KDM4A: variants seen among roughly 807,000 people sequenced by gnomAD.
KDM4A encodes the protein lysine demethylase 4A.
A neutral mutation model predicts 127.1 loss-of-function variants in KDM4A; 23 were observed. That is an observed-to-expected ratio of 0.18 (90% CI 0.13 to 0.26). The LOEUF (loss-of-function observed/expected upper bound fraction) is 0.26, where lower values mean the gene tolerates loss of function less well. Among genes scored for constraint, KDM4A ranks in the 10% least tolerant of loss-of-function variants. The pLI is 1.00. For missense variants in KDM4A, 890 were observed against 1,329.1 expected, an observed-to-expected ratio of 0.67 and a Z score of 5.14; for synonymous variants, 443 against 466.5, an observed-to-expected ratio of 0.95 and a Z score of 0.65.
rs1399032012 is a variant in KDM4A, at chr1:43,660,977, A to G, written c.429+565A>G. Among the ~76,000 whole-genome samples, 4 of 144,900 alleles carry G rather than the reference A, an allele frequency of 2.8e-5. No individual in the cohort carries two copies. In the East Asian group the frequency reaches 8.0e-4, roughly 29 times the overall value. ...CACTCATAATTGTTTTCATATTTTAATTTTTTTTTTTTTTGAGACGGAGTT... is the reference window on the plus strand; with the variant it reads ...CACTCATAATTGTTTTCATATTTTAGTTTTTTTTTTTTTTGAGACGGAGTT... On this transcript the variant is annotated intron_variant, in intron 4 of 21. Coordinates refer to ENST00000372396, the MANE Select transcript of KDM4A (RefSeq NM_014663.3).
intron 2 of KDM4A, among the ~76,000 whole-genome samples, chr1:43,655,270 A>AT (rs1227391443): frequency 3.9e-5 from 6 of 152,274 alleles, no homozygotes; most frequent in Middle Eastern, 3.4e-3. Context: ...TGTGTTTGTG[A>AT]TTTTTTTAAA....
rs35419389 is a variant in KDM4A at position 43,694,515 on chromosome 1, C to CA, written c.2485-175dup. On this transcript the variant is annotated intron_variant, in intron 17 of 21. Transcript: ENST00000372396. This position sits in a 1 kb window ranked among gnomAD's most constrained non-coding sequence, Gnocchi z 5.2. Reference sequence around the variant, plus strand: ...TGGGTGACAGAGCAAGACTCCGTCTCAAAAAAAAAAAAAAAAAAATTTCCT... The same window carrying CA: ...TGGGTGACAGAGCAAGACTCCGTCTCAAAAAAAAAAAAAAAAAAAATTTCCT... Among the ~76,000 whole-genome samples the CA allele has an allele frequency of 0.023, 2,428 of 107,200 alleles. 56 individuals carry two copies. Among genetic ancestry groups the CA allele is most frequent in the African/African-American group, 0.071 (2,025 of 28,694 alleles). The allele number at this position is 107,200 out of a possible 152,430, so 70.3% of individuals were successfully genotyped here.
intron 4 of KDM4A, among the ~76,000 whole-genome samples, chr1:43,662,613 A>G (rs1426118233): frequency 6.6e-6 from 1 of 152,192 alleles, no homozygotes; most frequent in Non-Finnish European, 1.5e-5. Flanking sequence ...TCTCAAAAAC[A>G]AACGAAAAAA....
Position 43,660,360 on chromosome 1 carries a change from C to T in KDM4A, c.377C>T (p.Thr126Ile), listed in dbSNP as rs1057423435. The change falls in exon 4 of 22, where the codon ACA becomes ATA. Residue 126 changes from threonine to isoleucine, a missense_variant. Transcript: ENST00000372396. ...GAGCGGAAATACTGGAAAAATCTTA[C>T]ATTCAATCCTCCAATCTATGGTGCA... ...ELERKYWKNL[T>I]FNPPIYGADV... 20 of 1,613,396 alleles carry T rather than the reference C, an allele frequency of 1.2e-5. No homozygotes were observed. The highest frequency in any genetic ancestry group is 5.5e-5 in the South Asian group (5 of 91,002).
rs542105811 is a variant in KDM4A, at chr1:43,658,346, C to T, written c.315-1952C>T. Among the ~76,000 whole-genome samples the T allele has an allele frequency of 1.4e-3, 207 of 152,252 alleles. 1 individual carries two copies. The highest frequency in any genetic ancestry group is 4.7e-3 in the African/African-American group (196 of 41,536). ...CTTGGCCTCCCAAATGCTGGGATTA[C>T]AGGCATGAGCCACCGTGCCCAACCT... On this transcript the variant is annotated intron_variant, in intron 3 of 21. Transcript: ENST00000372396.
At position 43,693,208 on chromosome 1, in the gene KDM4A, C is replaced by T. The variant is rs1254665993; in HGVS notation, c.2376-786C>T. ...GAAATGGCTGTGCTTGAATCTCTCA[C>T]CTTTACCTCTGAATGCCTGTTCTGC... is the stretch of plus-strand genomic sequence containing the variant. On this transcript the variant is annotated intron_variant, in intron 16 of 21. Transcript: ENST00000372396. The surrounding 1 kb of genome is among the most constrained non-coding windows in gnomAD (Gnocchi z 4.2). Among the ~76,000 whole-genome samples, 2 of 152,180 alleles carry T rather than the reference C, an allele frequency of 1.3e-5. No homozygotes were observed. The highest frequency in any genetic ancestry group is 4.8e-5 in the African/African-American group (2 of 41,438).
intron 5 of KDM4A, among the ~76,000 whole-genome samples, chr1:43,663,498 T>C (rs1660431166): frequency 2.0e-5 from 3 of 152,348 alleles, no homozygotes; most frequent in South Asian, 4.1e-4. Context: ...CAGTGTGTGC[T>C]TAACACATAA....
At chr1:43,685,538 G>A (rs1660953236) in intron 12 of KDM4A, among the ~76,000 whole-genome samples, 1 of 151,990 alleles carries the variant, frequency 6.6e-6, no homozygotes, top group Non-Finnish European at 1.5e-5. Flanking sequence ...GGAGGCCGAG[G>A]CGGGTGGATC....
In KDM4A at chr1:43,704,354, G is replaced by A. The variant is rs768897044; in HGVS notation, c.3179G>A (p.Arg1060Gln). ...GATTATATTGAGCCTGCACTATACC[G>A]GGCCATCATGGAGTAGGTGCTTCCA... ...REDYIEPALY[R>Q]AIME is the part of the protein sequence containing the mutation. The change falls in exon 22 of 22, where the codon CGG (arginine) becomes CAG (glutamine). Residue 1060 changes from arginine (R) to glutamine (Q), a missense_variant. By Grantham distance (43) the Arg-to-Gln change is conservative. This residue lies in a region of KDM4A where 246 missense variants were observed against 418.4 expected (regional missense o/e 0.59). Coordinates refer to ENST00000372396, the MANE Select transcript of KDM4A (RefSeq NM_014663.3). 20 of 1,613,426 alleles carry A rather than the reference G, an allele frequency of 1.2e-5. No individual in the cohort carries two copies. In the East Asian group the frequency reaches 3.3e-4, roughly 27 times the overall value.
intron 10 of KDM4A, among the ~76,000 whole-genome samples, chr1:43,670,912 C>G (rs939349261): frequency 6.6e-6 from 1 of 151,786 alleles, no homozygotes; most frequent in Non-Finnish European, 1.5e-5. Flanking sequence ...ACTTTGTTGC[C>G]CAGGCTGGTC....
intron 9 of KDM4A, 107 bp from the exon 10 acceptor site, chr1:43,668,993 G>A (rs1445901471): frequency 1.0e-5 from 12 of 1,167,656 alleles, no homozygotes; most frequent in Admixed American, 6.0e-5. Context: ...AGCCAGGCCT[G>A]ACAGGCTCTG....
At chr1:43,677,529 C>T (rs1038514688) in intron 11 of KDM4A, among the ~76,000 whole-genome samples, 3 of 152,150 alleles carry the variant, frequency 2.0e-5, no homozygotes, top group African/African-American at 7.2e-5. Flanking sequence ...TCAAGGCCCA[C>T]ACCTTTGATT....
In KDM4A at chr1:43,671,387, G is replaced by C. The variant is rs916533662; in HGVS notation, c.1364-118G>C. The C allele has an allele frequency of 2.7e-6, 3 of 1,130,786 alleles. No homozygotes were observed. The African/African-American group carries it at 4.7e-5, about 18-fold the overall frequency. The allele number at this position is 1,130,786 out of a possible 1,614,324, so 70.0% of individuals were successfully genotyped here. On this transcript the variant is annotated intron_variant, in intron 10 of 21. Coordinates refer to ENST00000372396, the MANE Select transcript of KDM4A (RefSeq NM_014663.3). ...ACAGTGCCCCTCAGTGACAGAGCCA[G>C]GATTGGAAGCCAGGTCCCATTCCCC...
At chr1:43,661,641 GAATT>G (rs1478391358) in intron 4 of KDM4A, among the ~76,000 whole-genome samples, 1 of 87,658 alleles carries the variant, frequency 1.1e-5, no homozygotes, top group Admixed American at 1.3e-4. Flanking sequence ...AAAAAAAAAA[GAATT>G]CCAGTTTTGT....
chr1:43,703,999 AG>A lies in KDM4A; in HGVS notation c.2962-19del, dbSNP rs1661477897. The A allele has an allele frequency of 3.1e-6, 5 of 1,605,688 alleles. No individual in the cohort carries two copies. Among genetic ancestry groups the A allele is most frequent in the Non-Finnish European group, 4.3e-6 (5 of 1,172,476 alleles). Reference sequence around the variant, plus strand: ...AAGAGTCAGGGATATCCTAGCCAAAAGGCCTTTGTTTCCTTGGTAGGTGGAG... The same window carrying A: ...AAGAGTCAGGGATATCCTAGCCAAAAGCCTTTGTTTCCTTGGTAGGTGGAG... On this transcript the variant is annotated intron_variant, in intron 20 of 21. Coordinates refer to ENST00000372396, the MANE Select transcript of KDM4A (RefSeq NM_014663.3).
intron 3 of KDM4A, 74 bp downstream of exon 3, chr1:43,655,840 C>T: frequency 7.8e-7 from 1 of 1,276,004 alleles, no homozygotes; most frequent in Non-Finnish European, 1.1e-6. Flanking sequence ...ATCTCCAGGA[C>T]TGCTGCTGTC....
In KDM4A at chr1:43,704,448, G is replaced by A. The variant is rs778634206; in HGVS notation, c.*78G>A. The stretch of plus-strand genomic sequence containing the variant: ...TTCCACAGCACAGCAGACATGGAAC[G>A]CTGAAGTCTCTGAAAGTGAAGTTGT... On this transcript the variant is annotated 3_prime_UTR_variant, in exon 22 of 22. Transcript: ENST00000372396. 62 of 1,401,942 alleles carry A rather than the reference G, an allele frequency of 4.4e-5. No homozygotes were observed. Among genetic ancestry groups the A allele is most frequent in the African/African-American group, 1.9e-4 (13 of 69,034 alleles). 86.8% of individuals were successfully genotyped at this position (1,401,942 alleles called of 1,614,324 possible). A position where few individuals can be genotyped will look rare whatever the true frequency, so the allele number is the denominator to read the frequency against.
intron 10 of KDM4A, among the ~76,000 whole-genome samples, chr1:43,670,905 T>C (rs1660604010): frequency 6.6e-6 from 1 of 151,854 alleles, no homozygotes; most frequent in Non-Finnish European, 1.5e-5. Flanking sequence ...GAGTCTGACT[T>C]TGTTGCCCAG....
Position 43,690,740 on chromosome 1 carries a change from A to G in KDM4A, c.2038-105A>G, listed in dbSNP as rs1557917724. 2.9e-6 allele frequency: 3 copies of G among 1,041,046 alleles called. No homozygotes were observed. In the Middle Eastern group the frequency reaches 6.1e-4, roughly 213 times the overall value. 64.5% of individuals were successfully genotyped at this position (1,041,046 alleles called of 1,614,324 possible). On this transcript the variant is annotated intron_variant, in intron 13 of 21. Transcript: ENST00000372396. ...GGCTGTGCACCCGGGAGCTGTAGCC[A>G]TAGTCAGATCGGTAAGAGAGCCAGC...
Sources: allele counts gnomAD v4.1 joint callset (sites outside exome capture counted in the v4.1 genomes callset), GRCh38; gene constraint gnomAD v4.1.1; regional missense constraint gnomAD v4.1.1; non-coding constraint Gnocchi (gnomAD v3.1); transcripts MANE v1.5; gene names NCBI Gene and HGNC (gene_info 2026-07-23, HGNC 2026-07-21).